NUDT19: variants seen among roughly 807,000 people sequenced by gnomAD.
The protein encoded by NUDT19 is acyl-coenzyme A diphosphatase NUDT19.
A neutral mutation model predicts 22.2 loss-of-function variants in NUDT19; 31 were observed. The observed-to-expected ratio is 1.40, with a 90% CI of 1.05 to 1.89. The LOEUF (loss-of-function observed/expected upper bound fraction) is 1.89, where lower values mean the gene tolerates loss of function less well. NUDT19 is among the 40% of genes most tolerant of loss of function. NUDT19 has a pLI of 0.00. For missense variants in NUDT19, 752 were observed against 514.2 expected, an observed-to-expected ratio of 1.46 and a Z score of -4.47; for synonymous variants, 325 against 230.8, an observed-to-expected ratio of 1.41 and a Z score of -3.70.
chr19:32,707,904 G>A (rs1968404116), intron 1 of NUDT19, among the ~76,000 whole-genome samples: 1 of 151,672 alleles, frequency 6.6e-6, no homozygotes. Flanking sequence ...CATGAACCCA[G>A]GAGGCAGAGC....
At chr19:32,700,881 A>G (rs1328253338) in intron 1 of NUDT19, among the ~76,000 whole-genome samples, 2 of 152,056 alleles carry the variant, frequency 1.3e-5, no homozygotes, top group Non-Finnish European at 2.9e-5. Flanking sequence ...TCTAGAAAAA[A>G]TTTTAAAACT....
intron 1 of NUDT19, among the ~76,000 whole-genome samples, chr19:32,699,411 G>A (rs746576924): frequency 1.4e-4 from 21 of 152,284 alleles, no homozygotes; most frequent in East Asian, 3.9e-4. Flanking sequence ...ACTTGTTGTC[G>A]GGACCCCGGA....
intron 1 of NUDT19, among the ~76,000 whole-genome samples, chr19:32,706,151 C>G (rs1167661568): frequency 6.6e-6 from 1 of 152,106 alleles, no homozygotes; most frequent in Non-Finnish European, 1.5e-5. Flanking sequence ...GTGGTTTCAC[C>G]TTATGCATAC....
intron 1 of NUDT19, among the ~76,000 whole-genome samples, chr19:32,693,230 G>T (rs917714585): frequency 2.0e-5 from 3 of 152,150 alleles, no homozygotes; most frequent in Admixed American, 2.0e-4. Context: ...TCCTTCAGAT[G>T]TTCAGATGTG....
At position 32,711,751 on chromosome 19, in the gene NUDT19, G is replaced by A; in HGVS notation, c.923-1G>A. The A allele has an allele frequency of 6.4e-7, 1 of 1,564,110 alleles. No homozygotes were observed. The highest frequency in any genetic ancestry group is 8.8e-7 in the Non-Finnish European group (1 of 1,139,738). The stretch of plus-strand genomic sequence containing the variant: ...TAAAATCAGATTTTTTCCTTTTTCA[G>A]GTGATGAGCTATATTTAGAAGATTC... On this transcript the variant is annotated splice_acceptor_variant, in intron 2 of 2. Transcript: ENST00000397061. LOFTEE classifies it high-confidence loss of function.
intron 1 of NUDT19, among the ~76,000 whole-genome samples, chr19:32,707,442 C>T (rs1238598747): frequency 6.6e-6 from 1 of 152,202 alleles, no homozygotes; most frequent in African/African-American, 2.4e-5. Flanking sequence ...GCTTGCAAAC[C>T]TTTGACCTAC....
At position 32,709,359 on chromosome 19, in the gene NUDT19, T is replaced by C. The variant is rs1357821515; in HGVS notation, c.889T>C (p.Leu297=). 6.2e-7 allele frequency: 1 copy of C among 1,614,086 alleles called. No homozygotes were observed. Among genetic ancestry groups the C allele is most frequent in the Non-Finnish European group, 8.5e-7 (1 of 1,180,030 alleles). ...GGAAAGGTGGCTGCCGATCATCTTG[T>C]TAACTGCTGATGGGATGGTCCATCT... ...GLERWLPIIL[L]TADGMVHLLP... Residue 297 remains leucine, a synonymous_variant, in exon 2 of 3, where the codon TTA becomes CTA. Coordinates refer to ENST00000397061, the MANE Select transcript of NUDT19 (RefSeq NM_001105570.2).
Position 32,711,802 on chromosome 19 carries a change from A to C in NUDT19, c.973A>C (p.Thr325Pro), listed in dbSNP as rs1968450154. Residue 325 changes from threonine to proline, a missense_variant, in exon 3 of 3, where the codon ACT becomes CCT. Physicochemically the swap from Thr to Pro is conservative, Grantham distance 38 (BLOSUM62 -1). Coordinates refer to ENST00000397061, the MANE Select transcript of NUDT19 (RefSeq NM_001105570.2). Reference protein sequence around the residue: ...DSDFLENLMSTEKKTEEIMKE... With the variant: ...DSDFLENLMSPEKKTEEIMKE... ...AGACTTTTTGGAAAATCTTATGTCT[A>C]CTGAAAAAAAGACTGAGGAAATCAT... 1.2e-6 allele frequency: 2 copies of C among 1,613,610 alleles called. No individual in the cohort carries two copies. Among genetic ancestry groups the C allele is most frequent in the Non-Finnish European group, 1.7e-6 (2 of 1,179,678 alleles).
chr19:32,692,152 C>T lies in NUDT19; in HGVS notation c.192C>T (p.Gly64=), dbSNP rs1454187102. The change falls in exon 1 of 3, where the codon GGC becomes GGT. Residue 64 remains glycine (G), a synonymous_variant. Transcript: ENST00000397061. The part of the protein sequence containing the change: ...GFMPGAHVFS[G]GVLDAADRSA... Reference sequence around the variant, plus strand: ...TGCCGGGCGCGCACGTCTTCTCCGGCGGAGTGCTGGATGCGGCCGACCGCT... The same window carrying T: ...TGCCGGGCGCGCACGTCTTCTCCGGTGGAGTGCTGGATGCGGCCGACCGCT... 4 of 1,507,528 alleles carry T rather than the reference C, an allele frequency of 2.7e-6. No individual in the cohort carries two copies. The South Asian group carries it at 3.7e-5, about 14-fold the overall frequency. 93.4% of individuals were successfully genotyped at this position (1,507,528 alleles called of 1,614,324 possible).
chr19:32,692,284 T>A lies in NUDT19; in HGVS notation c.324T>A (p.Asp108Glu). 1 of 1,593,006 alleles carries A rather than the reference T, an allele frequency of 6.3e-7. No homozygotes were observed. Among genetic ancestry groups the A allele is most frequent in the Non-Finnish European group, 8.5e-7 (1 of 1,177,756 alleles). ...RTAFPSLPDT[D>E]DHKTDNTGTL... Reference sequence around the variant, plus strand: ...CTTTCCCGTCGCTGCCCGACACCGATGACCACAAGACCGACAACACTGGGA... The same window carrying A: ...CTTTCCCGTCGCTGCCCGACACCGAAGACCACAAGACCGACAACACTGGGA... Residue 108 changes from aspartate (D) to glutamate (E), a missense_variant, in exon 1 of 3, where the codon GAT (aspartate) becomes GAA (glutamate). By Grantham distance (45) the Asp-to-Glu change is conservative (BLOSUM62 2). Transcript: ENST00000397061.
chr19:32,692,997 T>G (rs1968218699), intron 1 of NUDT19, among the ~76,000 whole-genome samples: 1 of 151,970 alleles, frequency 6.6e-6, no homozygotes, highest in Admixed American at 6.5e-5. Flanking sequence ...TTGGTTTTCT[T>G]GGAGAACAGA....
At position 32,693,936 on chromosome 19, in the gene NUDT19, C is replaced by A. The variant is rs374175240; in HGVS notation, c.714+1262C>A. On this transcript the variant is annotated intron_variant, in intron 1 of 2. Coordinates refer to ENST00000397061, the MANE Select transcript of NUDT19 (RefSeq NM_001105570.2). ...CTAGCTACTTCCTGCTGGACAGGGGCAAAGAAGGGGCCCTGCAGTTGTAGT... is the reference window on the plus strand; with the variant it reads ...CTAGCTACTTCCTGCTGGACAGGGGAAAAGAAGGGGCCCTGCAGTTGTAGT... 2.2e-4 allele frequency among the ~76,000 whole-genome samples: 34 copies of A among 152,278 alleles called. No homozygotes were observed. The East Asian group carries it at 6.6e-3, about 29-fold the overall frequency.
At position 32,709,335 on chromosome 19, in the gene NUDT19, G is replaced by GAAAGGTGGCTGCCGATC; in HGVS notation, c.867_883dup (p.Ile295LysfsTer9). 3.1e-6 allele frequency: 5 copies of GAAAGGTGGCTGCCGATC among 1,614,186 alleles called. No homozygotes were observed. Among genetic ancestry groups the GAAAGGTGGCTGCCGATC allele is most frequent in the Non-Finnish European group, 3.4e-6 (4 of 1,180,040 alleles). On this transcript the variant is annotated frameshift_variant, in exon 2 of 3. Coordinates refer to ENST00000397061, the MANE Select transcript of NUDT19 (RefSeq NM_001105570.2). LOFTEE classifies it high-confidence loss of function. ...TTTGGGTCGTGCATTAGAAGGACTG[G>GAAAGGTGGCTGCCGATC]AAAGGTGGCTGCCGATCATCTTGTT... is the stretch of plus-strand genomic sequence containing the variant.
intron 1 of NUDT19, among the ~76,000 whole-genome samples, chr19:32,708,646 T>C (rs1055504048): frequency 1.3e-5 from 2 of 152,176 alleles, no homozygotes; most frequent in Non-Finnish European, 2.9e-5. Flanking sequence ...TGAAAGCTGC[T>C]GTTGCTCCTG....
At chr19:32,704,588 C>T (rs1286889554) in intron 1 of NUDT19, among the ~76,000 whole-genome samples, 1 of 152,116 alleles carries the variant, frequency 6.6e-6, no homozygotes, top group Non-Finnish European at 1.5e-5. Context: ...TTATTTCTTT[C>T]ATCATGTTGA....
rs561713304 is a variant in NUDT19 at position 32,692,376 on chromosome 19, T to G, written c.416T>G (p.Leu139Arg). 54 of 1,587,886 alleles carry G rather than the reference T, an allele frequency of 3.4e-5. No homozygotes were observed. Among genetic ancestry groups the G allele is most frequent in the South Asian group, 2.7e-4 (24 of 89,866 alleles). ...GAGGCCTTTGAGGAGGCGGGCGTGCTGCTGCTGCGGCCCAGGACTTCCCCA... is the reference window on the plus strand; with the variant it reads ...GAGGCCTTTGAGGAGGCGGGCGTGCGGCTGCTGCGGCCCAGGACTTCCCCA... ...VREAFEEAGV[L>R]LLRPRTSPPG... Residue 139 changes from leucine (L) to arginine (R), a missense_variant, in exon 1 of 3, where the codon CTG (leucine) becomes CGG (arginine). Coordinates refer to ENST00000397061, the MANE Select transcript of NUDT19 (RefSeq NM_001105570.2).
rs769286275 is a variant in NUDT19, at chr19:32,692,555, G to T, written c.595G>T (p.Ala199Ser). 6.3e-7 allele frequency: 1 copy of T among 1,597,028 alleles called. No homozygotes were observed. Among genetic ancestry groups the T allele is most frequent in the Non-Finnish European group, 8.5e-7 (1 of 1,173,786 alleles). The change falls in exon 1 of 3, where the codon GCC becomes TCC. Residue 199 changes from alanine to serine, a missense_variant. Transcript: ENST00000397061. ...PDIWALHNWS[A>S]WLTPFLRGTT... ...CATCTGGGCGCTGCACAACTGGAGC[G>T]CCTGGCTCACCCCTTTCTTGCGGGG...
Position 32,691,948 on chromosome 19 carries a change from G to T in NUDT19, c.-13G>T. Reference sequence around the variant, plus strand: ...CAGGCCGCGCCAGAATCGGATCCGGGAAGCTGCGCGCCATGAGCAGCTCCC... The same window carrying T: ...CAGGCCGCGCCAGAATCGGATCCGGTAAGCTGCGCGCCATGAGCAGCTCCC... On this transcript the variant is annotated 5_prime_UTR_variant, in exon 1 of 3. Transcript: ENST00000397061. 8.2e-7 allele frequency: 1 copy of T among 1,217,418 alleles called. No individual in the cohort carries two copies. The highest frequency in any genetic ancestry group is 4.1e-5 in the South Asian group (1 of 24,140). 75.4% of individuals were successfully genotyped at this position (1,217,418 alleles called of 1,614,324 possible). A position where few individuals can be genotyped will look rare whatever the true frequency, so the allele number is the denominator to read the frequency against.
chr19:32,699,389 C>T lies in NUDT19; in HGVS notation c.714+6715C>T, dbSNP rs911709765. 5.9e-5 allele frequency among the ~76,000 whole-genome samples: 9 copies of T among 152,318 alleles called. No individual in the cohort carries two copies. The East Asian group carries it at 1.7e-3, about 29-fold the overall frequency. On this transcript the variant is annotated intron_variant, in intron 1 of 2. Coordinates refer to ENST00000397061, the MANE Select transcript of NUDT19 (RefSeq NM_001105570.2). ...ACTTTCAGAGTTCCATTCATGGCTG[C>T]AGGGTCAACCAACTTGTTGTCGGGA...
Sources: gnomAD v4.1 joint callset for allele counts (sites outside exome capture counted in the v4.1 genomes callset) on GRCh38, gnomAD v4.1.1 for gene constraint, MANE v1.5 for transcripts, NCBI Gene and HGNC (gene_info 2026-07-23, HGNC 2026-07-21) for gene names.